MLIP: variants seen among roughly 807,000 people sequenced by gnomAD.
MLIP encodes muscular LMNA interacting protein.
In MLIP, 79 loss-of-function variants were observed where a neutral mutation model predicts 84.8. That is an observed-to-expected ratio of 0.93 (90% CI 0.78 to 1.12). The LOEUF (loss-of-function observed/expected upper bound fraction) is 1.12, where lower values mean the gene tolerates loss of function less well. Ranked by LOEUF, MLIP falls within the 50% of genes most tolerant of loss-of-function variation. The pLI is 0.00. For missense variants in MLIP, 1,257 were observed against 1,160.6 expected, an observed-to-expected ratio of 1.08 and a Z score of -1.21; for synonymous variants, 504 against 463.0, an observed-to-expected ratio of 1.09 and a Z score of -1.14.
chr6:54,104,415 A>T (rs1219979479), intron 1 of MLIP, among the ~76,000 whole-genome samples: 1 of 152,174 alleles, frequency 6.6e-6, no homozygotes, highest in Non-Finnish European at 1.5e-5. Context: ...TGTTTTATTA[A>T]ATAGTATTCC....
intron 3 of MLIP, among the ~76,000 whole-genome samples, chr6:54,132,656 A>G (rs1771477687): frequency 6.6e-6 from 1 of 152,162 alleles, no homozygotes; most frequent in South Asian, 2.1e-4. Context: ...GGTCCAAACA[A>G]CAACAACAAA....
intron 2 of MLIP, among the ~76,000 whole-genome samples, chr6:54,121,807 T>C (rs1770479948): frequency 6.6e-6 from 1 of 152,216 alleles, no homozygotes; most frequent in Admixed American, 6.5e-5. Context: ...TTTTTTTCAG[T>C]TTGACATCCT....
chr6:54,227,405 AAAGAG>A (rs1178702953), intron 11 of MLIP, among the ~76,000 whole-genome samples: 1 of 152,230 alleles, frequency 6.6e-6, no homozygotes, highest in Non-Finnish European at 1.5e-5. Context: ...CAACATCCAG[AAAGAG>A]AAGAGAGAAG....
intron 1 of MLIP, among the ~76,000 whole-genome samples, chr6:54,073,456 G>C (rs1766605864): frequency 6.6e-6 from 1 of 152,180 alleles, no homozygotes; most frequent in African/African-American, 2.4e-5. Context: ...TCTGCAAGTA[G>C]AGAATTGCTG....
At chr6:54,168,326 C>G (rs1262286319) in intron 8 of MLIP, among the ~76,000 whole-genome samples, 2 of 151,738 alleles carry the variant, frequency 1.3e-5, no homozygotes, top group Non-Finnish European at 2.9e-5. Flanking sequence ...ATTGTAGACT[C>G]CCAGCACTCT....
At chr6:54,194,197 A>G (rs1562042712) in intron 10 of MLIP, among the ~76,000 whole-genome samples, 1 of 147,308 alleles carries the variant, frequency 6.8e-6, no homozygotes, top group African/African-American at 2.6e-5. Flanking sequence ...ATCCAGCTTT[A>G]GCGGTGGGTG....
chr6:54,098,398 C>A (rs1251627691), intron 1 of MLIP, among the ~76,000 whole-genome samples: 1 of 149,078 alleles, frequency 6.7e-6, no homozygotes, highest in Non-Finnish European at 1.5e-5. Flanking sequence ...AACTCCTGGC[C>A]TCAAGTGATC....
chr6:54,030,647 G>A (rs190134289), intron 1 of MLIP: 19 of 151,318 alleles, frequency 1.3e-4, no homozygotes, highest in South Asian at 2.1e-4. Context: ...TTCCTTGCAC[G>A]TAAGATATTT....
At chr6:54,154,134 G>A (rs1773765793) in intron 5 of MLIP, among the ~76,000 whole-genome samples, 1 of 151,956 alleles carries the variant, frequency 6.6e-6, no homozygotes, top group African/African-American at 2.4e-5. Flanking sequence ...ACTTCTTGAA[G>A]AGGCAGATAT....
intron 10 of MLIP, among the ~76,000 whole-genome samples, 184 bp downstream of exon 10, chr6:54,190,098 C>T (rs530904427): frequency 3.3e-5 from 5 of 152,228 alleles, no homozygotes; most frequent in East Asian, 1.9e-4. Flanking sequence ...GACAAACATA[C>T]GTAAAACTAT....
chr6:54,080,832 C>T (rs1767094837), intron 1 of MLIP, among the ~76,000 whole-genome samples: 2 of 150,764 alleles, frequency 1.3e-5, no homozygotes, highest in African/African-American at 4.9e-5. Flanking sequence ...CTAGAGGAAA[C>T]TTTTAAAGTA....
At chr6:54,254,754 T>C (rs1040241123) in intron 12 of MLIP, among the ~76,000 whole-genome samples, 2 of 142,450 alleles carry the variant, frequency 1.4e-5, no homozygotes, top group African/African-American at 2.6e-5. Flanking sequence ...CTTCCTTCCT[T>C]CCTTCCTTCC....
rs77925337 is a variant in MLIP, at chr6:54,222,265, C to G, written c.2719-8449C>G. On this transcript the variant is annotated intron_variant, in intron 11 of 13. Coordinates refer to ENST00000502396, the MANE Select transcript of MLIP (RefSeq NM_001281747.2). ...TTAGCAATCAAGCCTACAGAGTATACAGTACACTATTGTTAGTTATATTAA... is the reference window on the plus strand; with the variant it reads ...TTAGCAATCAAGCCTACAGAGTATAGAGTACACTATTGTTAGTTATATTAA... Among the ~76,000 whole-genome samples, 19 of 152,060 alleles carry G rather than the reference C, an allele frequency of 1.2e-4. No individual in the cohort carries two copies. In the East Asian group the frequency reaches 2.5e-3, roughly 20 times the overall value.
At chr6:54,023,217 G>C (rs1181430436) in intron 1 of MLIP, among the ~76,000 whole-genome samples, 2 of 151,104 alleles carry the variant, frequency 1.3e-5, no homozygotes, top group Non-Finnish European at 2.9e-5. Context: ...AAGAGTATAT[G>C]ATTCAACTTA....
intron 4 of MLIP, 60 bp downstream of exon 4, chr6:54,138,346 T>C: frequency 2.1e-6 from 3 of 1,460,390 alleles, no homozygotes; most frequent in Non-Finnish European, 2.7e-6. Flanking sequence ...ATCTTTTTTT[T>C]TTCCCCAAGG....
At chr6:54,060,413 C>A (rs949926548) in intron 1 of MLIP, among the ~76,000 whole-genome samples, 2 of 152,154 alleles carry the variant, frequency 1.3e-5, no homozygotes, top group Non-Finnish European at 2.9e-5. Context: ...ACTGTTACAA[C>A]CAGCATTCCT....
chr6:54,214,712 T>G, intron 11 of MLIP, among the ~76,000 whole-genome samples: 1 of 152,240 alleles, frequency 6.6e-6, no homozygotes, highest in African/African-American at 2.4e-5. Flanking sequence ...TTTGCAATTC[T>G]GCTTTAACAT....
At chr6:54,036,188 A>C (rs1764425793) in intron 1 of MLIP, among the ~76,000 whole-genome samples, 1 of 151,766 alleles carries the variant, frequency 6.6e-6, no homozygotes, top group African/African-American at 2.4e-5. Flanking sequence ...TAGAAATAAC[A>C]TGTGCAAAAG....
rs559611819 is a variant in MLIP at position 54,056,097 on chromosome 6, T to C, written c.63+37006T>C. On this transcript the variant is annotated intron_variant, in intron 1 of 12. Coordinates refer to the MLIP transcript ENST00000274897. ...ATTTTAAAAATATTTGGTTAAATTA[T>C]TTTGTTAGAGTCATCATACTGTGGA... Among the ~76,000 whole-genome samples, 7 of 152,342 alleles carry C rather than the reference T, an allele frequency of 4.6e-5. No homozygotes were observed. In the South Asian group the frequency reaches 1.5e-3, roughly 32 times the overall value.
Sources: allele counts gnomAD v4.1 joint callset (sites outside exome capture counted in the v4.1 genomes callset), GRCh38; gene constraint gnomAD v4.1.1; transcripts MANE v1.5; gene names NCBI Gene and HGNC (gene_info 2026-07-23, HGNC 2026-07-21).